The following NAALADL2 variants were observed in gnomAD, a reference collection of about 807,000 sequenced individuals.
NAALADL2 encodes the protein N-acetylated alpha-linked acidic dipeptidase like 2.
NAALADL2 carries 76 observed loss-of-function variants against 87.2 expected under a neutral mutation model. The observed-to-expected ratio is 0.87, with a 90% CI of 0.72 to 1.05. NAALADL2 has a LOEUF of 1.05. Ranked by LOEUF, NAALADL2 falls within the 50% of genes least tolerant of loss-of-function variation. The pLI, the probability that NAALADL2 is intolerant of heterozygous loss-of-function variation, is 0.00. For missense variants in NAALADL2, 1,089 were observed against 945.8 expected (o/e 1.15, Z -1.99); for synonymous variants, 354 against 331.0 (o/e 1.07, Z -0.75).
chr3:175,475,571 C>G (rs1725579100), intron 9 of NAALADL2, among the ~76,000 whole-genome samples: 2 of 152,132 alleles, frequency 1.3e-5, no homozygotes, highest in South Asian at 4.1e-4. Context: ...AAACCTGCAG[C>G]ATTTGCACAT....
At chr3:174,590,462 A>G (rs1717241834) in intron 2 of NAALADL2, among the ~76,000 whole-genome samples, 1 of 152,156 alleles carries the variant, frequency 6.6e-6, no homozygotes, top group Non-Finnish European at 1.5e-5. Context: ...AATAATCTAA[A>G]TGTTTTAAAA....
At chr3:175,655,853 C>T (rs1442891094) in intron 11 of NAALADL2, among the ~76,000 whole-genome samples, 2 of 152,100 alleles carry the variant, frequency 1.3e-5, no homozygotes, top group African/African-American at 2.4e-5. Flanking sequence ...AGAATTTACA[C>T]TTGGTTCCCT....
chr3:174,786,808 G>A (rs1324299619), intron 3 of NAALADL2, among the ~76,000 whole-genome samples: 1 of 152,042 alleles, frequency 6.6e-6, no homozygotes, highest in Non-Finnish European at 1.5e-5. Context: ...AAGACCAAGA[G>A]AACATTGCTC....
In NAALADL2 at chr3:175,314,696, A is replaced by ATAGTTCGAAC. The variant is rs1553857592; in HGVS notation, c.940-9477_940-9476insGTTCGAACTA. Among the ~76,000 whole-genome samples, 7 of 87,840 alleles carry ATAGTTCGAAC rather than the reference A, an allele frequency of 8.0e-5. 1 individual carries two copies. In the East Asian group the frequency reaches 2.2e-3, roughly 28 times the overall value. 57.6% of individuals were successfully genotyped at this position (87,840 alleles called of 152,430 possible). On this transcript the variant is annotated intron_variant, in intron 4 of 13. Coordinates refer to ENST00000454872, the MANE Select transcript of NAALADL2 (RefSeq NM_207015.3). Reference sequence around the variant, plus strand: ...TATATATATATATATATATATATATATATATATATATATATATATATATAT... The same window carrying ATAGTTCGAAC: ...TATATATATATATATATATATATATATAGTTCGAACTATATATATATATATATATATATAT...
intron 3 of NAALADL2, among the ~76,000 whole-genome samples, chr3:174,791,982 G>C (rs1022951725): frequency 2.0e-5 from 3 of 152,174 alleles, no homozygotes; most frequent in Non-Finnish European, 2.9e-5. Flanking sequence ...GCCAAGGCAG[G>C]TGGATCACTT....
intron 1 of NAALADL2, among the ~76,000 whole-genome samples, chr3:175,080,119 C>T (rs977838160): frequency 5.9e-5 from 9 of 152,092 alleles, no homozygotes; most frequent in African/African-American, 1.9e-4. Context: ...GCGCCCGCCA[C>T]GGCGCCCGGC....
intron 2 of NAALADL2, among the ~76,000 whole-genome samples, chr3:174,717,219 C>T (rs1731271144): frequency 6.6e-6 from 1 of 152,064 alleles, no homozygotes; most frequent in African/African-American, 2.4e-5. Flanking sequence ...CATCATCTAC[C>T]TCTCTCTTCC....
Position 175,600,525 on chromosome 3 carries a change from C to CTTTTTTTTTTTTTTT in NAALADL2, c.1800+24354_1800+24368dup, listed in dbSNP as rs869212429. On this transcript the variant is annotated intron_variant, in intron 10 of 13. Coordinates refer to ENST00000454872, the MANE Select transcript of NAALADL2 (RefSeq NM_207015.3). ...TTTTGTCCCACAAATGTGTCTTAGTCTTTTTTTTTTTTTTTTTTTTTTTTT... is the reference window on the plus strand; with the variant it reads ...TTTTGTCCCACAAATGTGTCTTAGTCTTTTTTTTTTTTTTTTTTTTTTTTTTTTTTTTTTTTTTTT... Among the ~76,000 whole-genome samples, 16 of 61,068 alleles carry CTTTTTTTTTTTTTTT rather than the reference C, an allele frequency of 2.6e-4. 6 individuals carry two copies. The highest frequency in any genetic ancestry group is 6.0e-4 in the Admixed American group (2 of 3,348). 40.1% of individuals were successfully genotyped at this position (61,068 alleles called of 152,430 possible). A position where few individuals can be genotyped will look rare whatever the true frequency, so the allele number is the denominator to read the frequency against.
At chr3:174,741,267 A>G (rs1475470424) in intron 3 of NAALADL2, among the ~76,000 whole-genome samples, 2 of 151,696 alleles carry the variant, frequency 1.3e-5, no homozygotes, top group Non-Finnish European at 3.0e-5. Flanking sequence ...TTTTACCTAA[A>G]TAATGTTTTC....
intron 7 of NAALADL2, among the ~76,000 whole-genome samples, chr3:175,466,243 T>A (rs1254166321): frequency 6.6e-6 from 1 of 152,214 alleles, no homozygotes; most frequent in African/African-American, 2.4e-5. Flanking sequence ...ATGTTATTAT[T>A]ACCAATAACA....
At chr3:175,463,345 TA>T (rs1723444873) in intron 6 of NAALADL2, 55 bp from the exon 7 acceptor site, 2 of 1,150,710 alleles carry the variant, frequency 1.7e-6, no homozygotes, top group Non-Finnish European at 2.5e-6. Context: ...TTTTAAGGTT[TA>T]AAAAATACAA....
At chr3:175,438,023 C>A (rs904817020) in intron 5 of NAALADL2, among the ~76,000 whole-genome samples, 18 of 152,024 alleles carry the variant, frequency 1.2e-4, no homozygotes, top group African/African-American at 4.3e-4. Context: ...TTTATTTTTA[C>A]AATTTCGTGG....
rs568424189 is a variant in NAALADL2 at position 174,649,551 on chromosome 3, C to T, written c.-114-88090C>T. ...CCAATATTTGAAAACTACATATATG[C>T]TCATCTGATTTCTAAGACTATGTAT... is the stretch of plus-strand genomic sequence containing the variant. On this transcript the variant is annotated intron_variant, in intron 2 of 3. Coordinates refer to the NAALADL2 transcript ENST00000434257. Among the ~76,000 whole-genome samples the T allele has an allele frequency of 2.0e-5, 3 of 152,132 alleles. No homozygotes were observed. The East Asian group carries it at 5.8e-4, about 29-fold the overall frequency.
chr3:175,475,193 A>G (rs995795738), intron 9 of NAALADL2, among the ~76,000 whole-genome samples: 1 of 152,120 alleles, frequency 6.6e-6, no homozygotes, highest in South Asian at 2.1e-4. Context: ...GCTAAGACCT[A>G]ATTTCTTGGG....
At chr3:175,067,214 C>T (rs193253651) in intron 1 of NAALADL2, among the ~76,000 whole-genome samples, 55 of 152,140 alleles carry the variant, frequency 3.6e-4, no homozygotes, top group African/African-American at 9.4e-4. Flanking sequence ...TTCTCAAAAG[C>T]GATTACAACA....
chr3:175,693,669 A>G (rs1296045319), intron 11 of NAALADL2, among the ~76,000 whole-genome samples: 1 of 152,104 alleles, frequency 6.6e-6, no homozygotes, highest in Admixed American at 6.6e-5. Context: ...AAATTCTCAG[A>G]AAAGTGACAG....
At chr3:174,963,400 A>T (rs992578679) in intron 1 of NAALADL2, among the ~76,000 whole-genome samples, 1 of 152,176 alleles carries the variant, frequency 6.6e-6, no homozygotes, top group Non-Finnish European at 1.5e-5. Context: ...GATTGTCTGA[A>T]TGTTTTATCA....
intron 13 of NAALADL2, among the ~76,000 whole-genome samples, chr3:175,785,944 T>G (rs1455018292): frequency 6.6e-6 from 1 of 151,520 alleles, no homozygotes; most frequent in Non-Finnish European, 1.5e-5. Context: ...TAAAGTATTT[T>G]ATTTCTCCTT....
intron 5 of NAALADL2, among the ~76,000 whole-genome samples, chr3:175,398,041 A>C (rs1770039986): frequency 6.6e-6 from 1 of 152,172 alleles, no homozygotes; most frequent in Admixed American, 6.6e-5. Flanking sequence ...ACAAACAAAA[A>C]AAACTAATGA....
Sources: gnomAD v4.1 joint callset for allele counts (sites outside exome capture counted in the v4.1 genomes callset) on GRCh38, gnomAD v4.1.1 for gene constraint, MANE v1.5 for transcripts, NCBI Gene and HGNC (gene_info 2026-07-23, HGNC 2026-07-21) for gene names.